ACYP2: variants seen among roughly 807,000 people sequenced by gnomAD.
ACYP2 encodes acylphosphatase 2, also known as acylphosphatase-2.
A neutral mutation model predicts 11.2 loss-of-function variants in ACYP2; 12 were observed. The ratio of observed to expected loss-of-function variants is 1.08; its 90% CI spans 0.69 to 1.74. The LOEUF (loss-of-function observed/expected upper bound fraction) is 1.74, where lower values mean the gene tolerates loss of function less well. ACYP2 is among the 40% of genes most tolerant of loss of function. ACYP2 has a pLI of 0.00. For synonymous variants in ACYP2, 43 were observed against 32.2 expected (o/e 1.33, Z -1.13); for missense variants, 134 against 101.9 (o/e 1.31, Z -1.35).
At chr2:54,256,070 C>T (rs1179980830) in intron 6 of ACYP2, 4 of 1,614,058 alleles carry the variant, frequency 2.5e-6, no homozygotes, top group South Asian at 1.1e-5. Context: ...TTGCTCTTTT[C>T]TCGGGACCTC....
chr2:53,984,726 G>T (rs961995372), intron 2 of ACYP2, among the ~76,000 whole-genome samples: 5 of 151,626 alleles, frequency 3.3e-5, no homozygotes, highest in Non-Finnish European at 7.4e-5. Context: ...CTAGTTCAAT[G>T]TCAGAAAATC....
chr2:54,196,984 C>A (rs1273063607), intron 6 of ACYP2, among the ~76,000 whole-genome samples: 1 of 152,174 alleles, frequency 6.6e-6, no homozygotes, highest in East Asian at 1.9e-4. Context: ...TCATTTAATC[C>A]TCATAGCACA....
intron 2 of ACYP2, among the ~76,000 whole-genome samples, chr2:53,979,154 C>T (rs935126205): frequency 2.0e-5 from 3 of 151,820 alleles, no homozygotes; most frequent in African/African-American, 4.8e-5. Flanking sequence ...AAGCTCCATG[C>T]GTGTTATTGC....
intron 6 of ACYP2, among the ~76,000 whole-genome samples, chr2:54,264,945 T>C (rs1209944085): frequency 6.6e-6 from 1 of 152,182 alleles, no homozygotes; most frequent in Non-Finnish European, 1.5e-5. Context: ...TGTTAAGGTA[T>C]TTCCAACTTA....
intron 6 of ACYP2, among the ~76,000 whole-genome samples, chr2:54,238,119 T>C (rs564617017): frequency 2.0e-5 from 3 of 152,336 alleles, no homozygotes. Context: ...AGAGAGGCTT[T>C]CTCTGACATT....
At chr2:54,181,374 A>G (rs555903553) in intron 6 of ACYP2, among the ~76,000 whole-genome samples, 1 of 152,324 alleles carries the variant, frequency 6.6e-6, no homozygotes, top group South Asian at 2.1e-4. Context: ...AGAGAAAACT[A>G]GAACTGAAGT....
intron 2 of ACYP2, among the ~76,000 whole-genome samples, chr2:53,987,843 TTTTG>T (rs1672108176): frequency 2.0e-5 from 3 of 152,184 alleles, no homozygotes; most frequent in Non-Finnish European, 4.4e-5. Flanking sequence ...TTGTGGGTTT[TTTTG>T]TTTGTTTTTT....
chr2:54,297,119 T>C (rs73933613), intron 6 of ACYP2, among the ~76,000 whole-genome samples: 3,016 of 152,018 alleles, frequency 0.02, 112 homozygotes, highest in African/African-American at 0.068. Context: ...TTTCCTGTTT[T>C]TTTTTTTCAT....
intron 6 of ACYP2, among the ~76,000 whole-genome samples, chr2:54,290,616 G>A (rs1348580650): frequency 6.6e-6 from 1 of 152,030 alleles, no homozygotes; most frequent in Non-Finnish European, 1.5e-5. Flanking sequence ...AACAACCTCT[G>A]CTATGAGTGG....
At chr2:53,992,928 A>ATG (rs1275555676) in intron 2 of ACYP2, among the ~76,000 whole-genome samples, 1 of 151,372 alleles carries the variant, frequency 6.6e-6, no homozygotes, top group African/African-American at 2.4e-5. Context: ...ATGGCCAGCC[A>ATG]TGGTGGCTCA....
intron 4 of ACYP2, chr2:54,123,228 A>G (rs913288732): frequency 1.0e-5 from 4 of 397,094 alleles, no homozygotes; most frequent in Non-Finnish European, 1.8e-5. Context: ...CTAGAGAGAA[A>G]GATGCTTTCT....
intron 6 of ACYP2, among the ~76,000 whole-genome samples, chr2:54,187,480 A>C (rs1684062450): frequency 6.6e-6 from 1 of 152,180 alleles, no homozygotes; most frequent in African/African-American, 2.4e-5. Flanking sequence ...GTGATGCAGA[A>C]CCAGGGGCTG....
intron 6 of ACYP2, among the ~76,000 whole-genome samples, chr2:54,296,636 C>G (rs1372083932): frequency 6.6e-6 from 1 of 152,152 alleles, no homozygotes; most frequent in Non-Finnish European, 1.5e-5. Flanking sequence ...ATAATGAAAT[C>G]TCCTCTTATA....
intron 6 of ACYP2, among the ~76,000 whole-genome samples, chr2:54,225,431 TAAC>T (rs941305735): frequency 2.0e-5 from 3 of 152,174 alleles, no homozygotes; most frequent in African/African-American, 7.2e-5. Context: ...AATCCTGTAA[TAAC>T]ACTTTTTTTT....
chr2:54,036,055 G>A (rs139626808), intron 2 of ACYP2, among the ~76,000 whole-genome samples: 1 of 152,114 alleles, frequency 6.6e-6, no homozygotes, highest in African/African-American at 2.4e-5. Flanking sequence ...TTAGAGTAGG[G>A]GAAAGAAAGT....
chr2:54,291,871 T>A (rs1689322352), intron 6 of ACYP2, among the ~76,000 whole-genome samples: 1 of 152,190 alleles, frequency 6.6e-6, no homozygotes, highest in African/African-American at 2.4e-5. Context: ...ATCGGGAGTG[T>A]CTTTCAGGAA....
chr2:54,286,489 C>T (rs535043285), intron 6 of ACYP2, among the ~76,000 whole-genome samples: 1 of 152,040 alleles, frequency 6.6e-6, no homozygotes, highest in Non-Finnish European at 1.5e-5. Flanking sequence ...GCCACTATTA[C>T]TGTGCTTCAA....
At position 54,154,593 on chromosome 2, in the gene ACYP2, T is replaced by G. The variant is rs191277520; in HGVS notation, c.404+15845T>G. Among the ~76,000 whole-genome samples, 319 of 152,342 alleles carry G rather than the reference T, an allele frequency of 2.1e-3. 3 individuals are homozygous for G. The highest frequency in any genetic ancestry group is 7.2e-3 in the African/African-American group (300 of 41,590). On this transcript the variant is annotated intron_variant, in intron 6 of 6. Coordinates refer to ENST00000607452, the MANE Select transcript of ACYP2 (RefSeq NM_001320586.2). Reference sequence around the variant, plus strand: ...TCTCCATTTATAGATTTGCATGTGTTGAATCATCTTTGTATCCCTGGGATA... The same window carrying G: ...TCTCCATTTATAGATTTGCATGTGTGGAATCATCTTTGTATCCCTGGGATA...
At chr2:54,042,944 C>T (rs1461358991) in intron 2 of ACYP2, among the ~76,000 whole-genome samples, 1 of 152,174 alleles carries the variant, frequency 6.6e-6, no homozygotes, top group African/African-American at 2.4e-5. Context: ...TTAAATATAG[C>T]ACAAAATAAA....
Sources: allele counts gnomAD v4.1 joint callset (sites outside exome capture counted in the v4.1 genomes callset), GRCh38; gene constraint gnomAD v4.1.1; transcripts MANE v1.5; gene names NCBI Gene and HGNC (gene_info 2026-07-23, HGNC 2026-07-21).